The following RALB variants were observed in gnomAD, a reference collection of about 807,000 sequenced individuals.
RALB encodes the protein ras-related protein Ral-B.
RALB carries 16 observed loss-of-function variants against 21.3 expected under a neutral mutation model. That is an observed-to-expected ratio of 0.75 (90% CI 0.51 to 1.14). RALB has a LOEUF of 1.14. RALB is among the 50% of genes most tolerant of loss of function. The probability of loss-of-function intolerance (pLI) is 0.00; values close to 1 mark genes in which losing one functional copy is unlikely to be tolerated. For synonymous variants in RALB, 93 were observed against 96.1 expected (o/e 0.97, Z 0.19); for missense variants, 161 against 256.2 (o/e 0.63, Z 2.54).
chr2:120,250,282 A>G (rs1029613741), upstream of RALB, among the ~76,000 whole-genome samples: 2 of 152,346 alleles, frequency 1.3e-5, no homozygotes, highest in African/African-American at 4.8e-5. Context: ...TGTCCATCAC[A>G]GGTTGGTAGG....
rs1016561830 is a variant in RALB at position 120,294,038 on chromosome 2, A to G, written c.*778A>G. On this transcript the variant is annotated 3_prime_UTR_variant, in exon 5 of 5. Transcript: ENST00000272519. ...AAATGACACACATTGCCACTTGTGT[A>G]GATATTTTTAAGTTCTTTGGCTAAG... The G allele has an allele frequency of 1.0e-5, 4 of 397,812 alleles. No individual in the cohort carries two copies. The Admixed American group carries it at 1.8e-4, about 18-fold the overall frequency. The allele number at this position is 397,812 out of a possible 1,614,324, so 24.6% of individuals were successfully genotyped here.
intron 1 of RALB, among the ~76,000 whole-genome samples, chr2:120,272,263 T>C (rs1315195558): frequency 6.6e-6 from 1 of 152,230 alleles, no homozygotes; most frequent in Non-Finnish European, 1.5e-5. Flanking sequence ...CCTACCCTTA[T>C]GATCTTATGG....
At chr2:120,257,147 AT>A (rs1374706983) in intron 1 of RALB, among the ~76,000 whole-genome samples, 12 of 152,246 alleles carry the variant, frequency 7.9e-5, no homozygotes, top group Admixed American at 2.0e-4. Flanking sequence ...TGGTAAAAAA[AT>A]ATTGCCAAAG....
intron 4 of RALB, among the ~76,000 whole-genome samples, chr2:120,290,924 T>C (rs1368004229): frequency 2.6e-5 from 4 of 152,250 alleles, no homozygotes; most frequent in South Asian, 2.1e-4. Context: ...CATAGCACTT[T>C]GGCAGCCACA....
intron 4 of RALB, among the ~76,000 whole-genome samples, chr2:120,292,628 C>T (rs2104670838): frequency 1.3e-5 from 2 of 152,266 alleles, no homozygotes; most frequent in African/African-American, 4.8e-5. Context: ...TCTTACCCTT[C>T]ATCACACTTA....
upstream of RALB, chr2:120,252,848 G>A (rs1318354446): frequency 6.1e-6 from 6 of 985,556 alleles, no homozygotes; most frequent in Non-Finnish European, 7.2e-6. Context: ...CGCTCGGGGG[G>A]TGGGAAAGCG....
rs180932995 is a variant in RALB at position 120,267,676 on chromosome 2, G to T, written c.-47-10942G>T. On this transcript the variant is annotated intron_variant, in intron 1 of 4. Coordinates refer to ENST00000272519, the MANE Select transcript of RALB (RefSeq NM_002881.3). Reference sequence around the variant, plus strand: ...TTCCAGAAGCGGCAGCTGCTCCACAGCACCAGCTGAGTGGGACTTAGGAAT... The same window carrying T: ...TTCCAGAAGCGGCAGCTGCTCCACATCACCAGCTGAGTGGGACTTAGGAAT... Among the ~76,000 whole-genome samples, 1,012 of 152,322 alleles carry T rather than the reference G, an allele frequency of 6.6e-3. 6 individuals carry two copies. The highest frequency in any genetic ancestry group is 0.019 in the South Asian group (90 of 4,826).
chr2:120,245,751 A>G (rs540860099), intron 1 of RALB, among the ~76,000 whole-genome samples: 12 of 152,222 alleles, frequency 7.9e-5, no homozygotes, highest in East Asian at 5.8e-4. Context: ...GGGAGCCCTG[A>G]GCCCCTGCCT....
intron 1 of RALB, among the ~76,000 whole-genome samples, chr2:120,273,038 C>T (rs546517162): frequency 1.8e-4 from 27 of 152,304 alleles, no homozygotes; most frequent in Admixed American, 1.2e-3. Context: ...CCTGTGTCAT[C>T]GCCCGTTGGG....
chr2:120,278,848 T>G (rs1375797657), intron 2 of RALB, 70 bp downstream of exon 2: 2 of 1,364,300 alleles, frequency 1.5e-6, no homozygotes, highest in Non-Finnish European at 9.7e-7. Context: ...TCCCGCTGTT[T>G]CTGTGCCGGT....
intron 2 of RALB, 94 bp from the exon 3 acceptor site, chr2:120,285,780 A>T: frequency 1.0e-6 from 1 of 954,968 alleles, no homozygotes; most frequent in South Asian, 1.4e-5. Flanking sequence ...TGTCCTGTTC[A>T]TAGTGTGAAG....
chr2:120,285,006 T>C (rs760395184), intron 2 of RALB, among the ~76,000 whole-genome samples: 1 of 152,198 alleles, frequency 6.6e-6, no homozygotes, highest in Non-Finnish European at 1.5e-5. Flanking sequence ...AGCCTCTTGG[T>C]ACACTGTGTT....
chr2:120,240,542 G>A (rs562063279), intron 1 of RALB, among the ~76,000 whole-genome samples: 4 of 152,110 alleles, frequency 2.6e-5, no homozygotes, highest in African/African-American at 4.8e-5. Flanking sequence ...TCAAGGATCC[G>A]CCTGCCTTGG....
chr2:120,278,597 CT>C lies in RALB; in HGVS notation c.-47-18del. On this transcript the variant is annotated intron_variant, in intron 1 of 4. Coordinates refer to ENST00000272519, the MANE Select transcript of RALB (RefSeq NM_002881.3). ...GGTTGAAAGCAAATCGCCTCTAAGT[CT>C]TTGTCTTTGTCATCAGCAGCTCTTC... The C allele has an allele frequency of 7.0e-7, 1 of 1,435,206 alleles. No homozygotes were observed. 88.9% of individuals were successfully genotyped at this position (1,435,206 alleles called of 1,614,324 possible). A position where few individuals can be genotyped will look rare whatever the true frequency, so the allele number is the denominator to read the frequency against.
At chr2:120,260,101 G>A (rs976584630) in intron 1 of RALB, among the ~76,000 whole-genome samples, 22 of 152,208 alleles carry the variant, frequency 1.4e-4, no homozygotes, top group Admixed American at 8.5e-4. Context: ...CGCAAGTGCC[G>A]CACACAGCCC....
chr2:120,267,556 G>A (rs1689534456), intron 1 of RALB, among the ~76,000 whole-genome samples: 1 of 152,266 alleles, frequency 6.6e-6, no homozygotes, highest in Admixed American at 6.5e-5. Flanking sequence ...GGCCTATCAT[G>A]TCCGAAGCAG....
intron 1 of RALB, among the ~76,000 whole-genome samples, chr2:120,241,897 C>T (rs947121664): frequency 6.6e-6 from 1 of 152,178 alleles, no homozygotes; most frequent in African/African-American, 2.4e-5. Flanking sequence ...AACATAAGAT[C>T]TGGCAGTTCC....
In RALB at chr2:120,294,192, T is replaced by A. The variant is rs1690370815; in HGVS notation, c.*932T>A. 2.5e-6 allele frequency: 1 copy of A among 398,636 alleles called. No homozygotes were observed. The highest frequency in any genetic ancestry group is 4.4e-6 in the Non-Finnish European group (1 of 226,068). The allele number at this position is 398,636 out of a possible 1,614,324, so 24.7% of individuals were successfully genotyped here. On this transcript the variant is annotated 3_prime_UTR_variant, in exon 5 of 5. Coordinates refer to ENST00000272519, the MANE Select transcript of RALB (RefSeq NM_002881.3). ...GCCTCTTGCTAAGTGTCACACACAC[T>A]CTTCCCAAAGACGTGATGAGTTAAA... is the stretch of plus-strand genomic sequence containing the variant.
intron 1 of RALB, among the ~76,000 whole-genome samples, chr2:120,240,280 T>A (rs570927689): frequency 0.075 from 10,890 of 144,942 alleles, 541 homozygotes; most frequent in Non-Finnish European, 0.11. Flanking sequence ...GCTACTTTTT[T>A]ATTTTTATTT....
Sources: allele counts gnomAD v4.1 joint callset (sites outside exome capture counted in the v4.1 genomes callset), GRCh38; gene constraint gnomAD v4.1.1; transcripts MANE v1.5; gene names NCBI Gene and HGNC (gene_info 2026-07-23, HGNC 2026-07-21).